Variants in LRRTM3 observed in about 807,000 individuals in gnomAD.
LRRTM3 encodes leucine rich repeat transmembrane neuronal 3, also known as leucine-rich repeat transmembrane neuronal protein 3.
LRRTM3 carries 24 observed loss-of-function variants against 44.7 expected under a neutral mutation model. The observed-to-expected ratio is 0.54, with a 90% CI of 0.39 to 0.76. The LOEUF is 0.76. LRRTM3 is among the 30% of genes least tolerant of loss of function. The pLI, the probability that LRRTM3 is intolerant of heterozygous loss-of-function variation, is 0.00. For missense variants in LRRTM3, 587 were observed against 702.2 expected, an observed-to-expected ratio of 0.84 and a Z score of 1.85; for synonymous variants, 277 against 278.7, an observed-to-expected ratio of 0.99 and a Z score of 0.06.
intron 2 of LRRTM3, among the ~76,000 whole-genome samples, chr10:66,967,359 G>C (rs921495954): frequency 2.1e-5 from 3 of 145,182 alleles, no homozygotes; most frequent in African/African-American, 7.5e-5. Flanking sequence ...TAGATAGATA[G>C]ATATATGTAG....
At chr10:66,951,555 T>A (rs1209406028) in intron 2 of LRRTM3, among the ~76,000 whole-genome samples, 1 of 152,166 alleles carries the variant, frequency 6.6e-6, no homozygotes, top group Non-Finnish European at 1.5e-5. Context: ...GGCATAGAAA[T>A]TTTAAGTAAT....
Position 67,003,396 on chromosome 10 carries a change from T to A in LRRTM3, c.1536+74944T>A, listed in dbSNP as rs79055431. 4.6e-5 allele frequency among the ~76,000 whole-genome samples: 7 copies of A among 152,282 alleles called. No homozygotes were observed. In the East Asian group the frequency reaches 1.3e-3, roughly 29 times the overall value. On this transcript the variant is annotated intron_variant, in intron 2 of 2. Coordinates refer to ENST00000361320, the MANE Select transcript of LRRTM3 (RefSeq NM_178011.5). ...AAGTCTTCAAGCCCTACACCAATAT[T>A]TCCCATAGTATGTTCCAAGTATTTC...
chr10:67,081,850 C>G (rs1292098146), intron 2 of LRRTM3, among the ~76,000 whole-genome samples: 1 of 152,178 alleles, frequency 6.6e-6, no homozygotes, highest in African/African-American at 2.4e-5. Flanking sequence ...GGTGATCATG[C>G]CCTCCTCTGG....
chr10:66,943,255 G>C (rs1416842071), intron 2 of LRRTM3, among the ~76,000 whole-genome samples: 1 of 152,164 alleles, frequency 6.6e-6, no homozygotes, highest in African/African-American at 2.4e-5. Context: ...TAGATATTTA[G>C]CATAAACCTC....
At chr10:66,985,601 C>A (rs532259586) in intron 2 of LRRTM3, among the ~76,000 whole-genome samples, 1 of 152,224 alleles carries the variant, frequency 6.6e-6, no homozygotes, top group South Asian at 2.1e-4. Flanking sequence ...AAAGTTTGGT[C>A]TTCTGGAGTG....
At chr10:67,035,868 TC>T (rs1854017357) in intron 2 of LRRTM3, among the ~76,000 whole-genome samples, 1 of 152,228 alleles carries the variant, frequency 6.6e-6, no homozygotes, top group South Asian at 2.1e-4. Context: ...TATTCTATAT[TC>T]CCTATTTAGT....
chr10:67,022,991 T>G (rs1268907893), intron 2 of LRRTM3, among the ~76,000 whole-genome samples: 1 of 152,040 alleles, frequency 6.6e-6, no homozygotes, highest in Admixed American at 6.6e-5. Flanking sequence ...TGAGTGAAAT[T>G]TAAAAAGACT....
chr10:66,996,402 T>C (rs1851340552), intron 2 of LRRTM3, among the ~76,000 whole-genome samples: 2 of 152,060 alleles, frequency 1.3e-5, no homozygotes, highest in South Asian at 4.1e-4. Context: ...TCCTAGCACT[T>C]TGGGAGGCCG....
Position 66,991,061 on chromosome 10 carries a change from G to A in LRRTM3, c.1536+62609G>A, listed in dbSNP as rs543131591. ...TAGTGGTACAAGTCTTACAAGACACGCTGCAGAAGAACCTTCAGAAAATAA... is the reference window on the plus strand; with the variant it reads ...TAGTGGTACAAGTCTTACAAGACACACTGCAGAAGAACCTTCAGAAAATAA... On this transcript the variant is annotated intron_variant, in intron 2 of 2. Transcript: ENST00000361320. Among the ~76,000 whole-genome samples the A allele has an allele frequency of 2.1e-4, 32 of 152,242 alleles. No homozygotes were observed. The South Asian group carries it at 5.6e-3, about 27-fold the overall frequency.
At chr10:67,039,906 T>C (rs1854289794) in intron 2 of LRRTM3, among the ~76,000 whole-genome samples, 1 of 152,142 alleles carries the variant, frequency 6.6e-6, no homozygotes, top group Non-Finnish European at 1.5e-5. Flanking sequence ...TTTCTATGTC[T>C]TAGAAGTTTT....
rs766475235 is a variant in LRRTM3, at chr10:66,927,816, T to C, written c.900T>C (p.Ser300=). The C allele has an allele frequency of 1.9e-6, 3 of 1,614,232 alleles. No individual in the cohort carries two copies. Among genetic ancestry groups the C allele is most frequent in the South Asian group, 2.2e-5 (2 of 91,084 alleles). The change falls in exon 2 of 3, where the codon TCT becomes TCC. Residue 300 remains serine, a synonymous_variant. Coordinates refer to ENST00000361320, the MANE Select transcript of LRRTM3 (RefSeq NM_178011.5). The surrounding 1 kb of genome is among the most constrained non-coding windows in gnomAD (Gnocchi z 4.7). ...LTFIGQEILD[S]WISLNDISLA... is the part of the protein sequence containing the mutation. Reference sequence around the variant, plus strand: ...TTATTGGTCAAGAGATTTTGGATTCTTGGATATCCCTCAATGACATCAGTC... The same window carrying C: ...TTATTGGTCAAGAGATTTTGGATTCCTGGATATCCCTCAATGACATCAGTC...
chr10:67,097,842 C>CA lies in LRRTM3; in HGVS notation c.*48dup. 1 of 1,559,206 alleles carries CA rather than the reference C, an allele frequency of 6.4e-7. No homozygotes were observed. The highest frequency in any genetic ancestry group is 8.8e-7 in the Non-Finnish European group (1 of 1,131,806). On this transcript the variant is annotated 3_prime_UTR_variant, in exon 3 of 3. Transcript: ENST00000361320. ...GGGTTGCTACCAAACTTTGTAACCTCAAGGACAAAATGAGGAAGATGTGTT... is the reference window on the plus strand; with the variant it reads ...GGGTTGCTACCAAACTTTGTAACCTCAAAGGACAAAATGAGGAAGATGTGTT...
chr10:67,094,611 G>C (rs1857855364), intron 2 of LRRTM3, among the ~76,000 whole-genome samples: 2 of 151,494 alleles, frequency 1.3e-5, no homozygotes, highest in African/African-American at 4.8e-5. Context: ...TTATCCATCT[G>C]ATTAGCCACA....
chr10:66,926,812 T>C, intron 1 of LRRTM3, 109 bp from the exon 2 acceptor site: 1 of 1,020,454 alleles, frequency 9.8e-7, no homozygotes, highest in Non-Finnish European at 1.4e-6. Flanking sequence ...ATGTTAAGTG[T>C]TATTTAGATT....
intron 2 of LRRTM3, among the ~76,000 whole-genome samples, chr10:67,032,608 T>C (rs1212528969): frequency 6.6e-6 from 1 of 152,232 alleles, no homozygotes; most frequent in Non-Finnish European, 1.5e-5. Context: ...GTTATTGATG[T>C]AATTTCTACA....
At chr10:67,012,030 A>G (rs1432094118) in intron 2 of LRRTM3, among the ~76,000 whole-genome samples, 1 of 152,192 alleles carries the variant, frequency 6.6e-6, no homozygotes, top group African/African-American at 2.4e-5. Context: ...ATATATGAGG[A>G]AACAGAAACT....
rs201244618 is a variant in LRRTM3, at chr10:66,960,481, TTAGAG to T, written c.1536+32035_1536+32039del. 3.3e-3 allele frequency among the ~76,000 whole-genome samples: 507 copies of T among 152,258 alleles called. 5 individuals are homozygous for T. The highest frequency in any genetic ancestry group is 6.9e-3 in the East Asian group (36 of 5,184). On this transcript the variant is annotated intron_variant, in intron 2 of 2. Transcript: ENST00000361320. Reference sequence around the variant, plus strand: ...AAGTAGTTAAGAACTTCAAAAAGTTTTAGAGTAGAGAACTAATTACTAATTACAAT... The same window carrying T: ...AAGTAGTTAAGAACTTCAAAAAGTTTTAGAGAACTAATTACTAATTACAAT...
In LRRTM3 at chr10:66,938,066, T is replaced by C. The variant is rs557752343; in HGVS notation, c.1536+9614T>C. On this transcript the variant is annotated intron_variant, in intron 2 of 2. Coordinates refer to ENST00000361320, the MANE Select transcript of LRRTM3 (RefSeq NM_178011.5). ...TGTTGTTGAATTGATTTTCTGGTCA[T>C]TATTATGAAGTTATTATTGCAAACA... Among the ~76,000 whole-genome samples the C allele has an allele frequency of 7.2e-5, 11 of 152,326 alleles. No homozygotes were observed. In the South Asian group the frequency reaches 2.1e-3, roughly 29 times the overall value.
chr10:67,066,562 C>A (rs1856104966), intron 2 of LRRTM3, among the ~76,000 whole-genome samples: 2 of 149,628 alleles, frequency 1.3e-5, no homozygotes, highest in Admixed American at 1.3e-4. Context: ...GGTACATACA[C>A]ACCAACCATT....
Sources: allele counts gnomAD v4.1 joint callset (sites outside exome capture counted in the v4.1 genomes callset), GRCh38; gene constraint gnomAD v4.1.1; non-coding constraint Gnocchi (gnomAD v3.1); transcripts MANE v1.5; gene names NCBI Gene and HGNC (gene_info 2026-07-23, HGNC 2026-07-21).